The following ADGB variants were observed in gnomAD, a reference collection of about 807,000 sequenced individuals.
The protein encoded by ADGB is calpain-7-like protein.
A neutral mutation model predicts 210.5 loss-of-function variants in ADGB; 172 were observed. The observed-to-expected ratio is 0.82, with a 90% confidence interval of 0.72 to 0.93. The LOEUF (loss-of-function observed/expected upper bound fraction) is 0.93. Among genes scored for constraint, ADGB ranks in the 40% least tolerant of loss-of-function variants. The pLI is 0.00. For synonymous variants in ADGB, 658 were observed against 662.7 expected, an observed-to-expected ratio of 0.99 and a Z score of 0.11; for missense variants, 2,025 against 1,964.8, an observed-to-expected ratio of 1.03 and a Z score of -0.58.
intron 13 of ADGB, among the ~76,000 whole-genome samples, chr6:146,714,692 T>G (rs1262887331): frequency 6.6e-6 from 1 of 152,224 alleles, no homozygotes; most frequent in East Asian, 1.9e-4. Context: ...CATTCTCTCC[T>G]GCTCAGATAC....
chr6:146,733,589 C>T (rs1231214348), intron 21 of ADGB, among the ~76,000 whole-genome samples: 1 of 152,166 alleles, frequency 6.6e-6, no homozygotes, highest in Non-Finnish European at 1.5e-5. Flanking sequence ...CTACTTTTCT[C>T]TCTTCTTCCC....
Position 146,741,139 on chromosome 6 carries a change from A to T in ADGB, c.3045A>T (p.Gln1015His). 6 of 1,531,470 alleles carry T rather than the reference A, an allele frequency of 3.9e-6. No homozygotes were observed. The highest frequency in any genetic ancestry group is 4.4e-6 in the Non-Finnish European group (5 of 1,138,668). The allele number at this position is 1,531,470 out of a possible 1,614,324, so 94.9% of individuals were successfully genotyped here. ...IVFRETFLVH[Q>H]DMILVPKVYT... The stretch of plus-strand genomic sequence containing the variant: ...ACAGAGAAACATTTTTGGTTCATCA[A>T]GACATGATTTTGGTTCCCAAAGTAT... Residue 1015 changes from glutamine (Q) to histidine (H), a missense_variant, in exon 25 of 36, where the codon CAA becomes CAT. Transcript: ENST00000397944.
rs530310278 is a variant in ADGB at position 146,651,763 on chromosome 6, G to GTAAT, written c.331-2369_331-2366dup. 1.5e-4 allele frequency among the ~76,000 whole-genome samples: 23 copies of GTAAT among 152,210 alleles called. No individual in the cohort carries two copies. In the East Asian group the frequency reaches 1.7e-3, roughly 12 times the overall value. On this transcript the variant is annotated intron_variant, in intron 3 of 35. Coordinates refer to ENST00000397944, the MANE Select transcript of ADGB (RefSeq NM_024694.4). ...GCCCCTGGGATTTTTAAGCAAACAT[G>GTAAT]TAATTAGATAAGTGAGCACTGTGCA...
At chr6:146,797,343 C>T (rs1034441829) in intron 33 of ADGB, among the ~76,000 whole-genome samples, 7 of 152,186 alleles carry the variant, frequency 4.6e-5, no homozygotes. Flanking sequence ...AATCCCACTA[C>T]TGGGTACCTA....
At chr6:146,813,465 G>C (rs1001667152) in intron 35 of ADGB, among the ~76,000 whole-genome samples, 1 of 151,630 alleles carries the variant, frequency 6.6e-6, no homozygotes, top group Non-Finnish European at 1.5e-5. Context: ...TTTTTTTCTC[G>C]GTCACTTTGT....
chr6:146,763,516 A>G (rs1359700380), intron 27 of ADGB, among the ~76,000 whole-genome samples: 3 of 152,206 alleles, frequency 2.0e-5, no homozygotes, highest in Non-Finnish European at 4.4e-5. Flanking sequence ...TGTTAATTAG[A>G]AAATAATTAA....
In ADGB at chr6:146,691,500, ATT is replaced by A. The variant is rs71031007; in HGVS notation, c.1486+234_1486+235del. On this transcript the variant is annotated intron_variant, in intron 11 of 35. Coordinates refer to ENST00000397944, the MANE Select transcript of ADGB (RefSeq NM_024694.4). ...TAAATATATATATATATATATATAT[ATT>A]TTTTTTTTTTTTTTTTTTTTTTTGA... is the stretch of plus-strand genomic sequence containing the variant. Among the ~76,000 whole-genome samples the A allele has an allele frequency of 8.1e-3, 110 of 13,574 alleles. 1 individual carries two copies. Among genetic ancestry groups the A allele is most frequent in the Non-Finnish European group, 0.01 (100 of 9,886 alleles). 8.9% of individuals were successfully genotyped at this position (13,574 alleles called of 152,430 possible). A position where few individuals can be genotyped will look rare whatever the true frequency, so the allele number is the denominator to read the frequency against.
At chr6:146,780,025 C>T (rs988901559) in intron 29 of ADGB, among the ~76,000 whole-genome samples, 1 of 151,590 alleles carries the variant, frequency 6.6e-6, no homozygotes, top group Non-Finnish European at 1.5e-5. Context: ...AAGCAATGAT[C>T]ATAAGTCTGT....
Position 146,607,135 on chromosome 6 carries a change from T to C in ADGB, c.74+8021T>C, listed in dbSNP as rs946628849. Among the ~76,000 whole-genome samples the C allele has an allele frequency of 2.6e-5, 4 of 152,290 alleles. No individual in the cohort carries two copies. The East Asian group carries it at 7.7e-4, about 29-fold the overall frequency. ...TCATCTCCTTGGTTAGCTATATACT[T>C]AGGTATTCTATTCTTTTGTGGCTAC... On this transcript the variant is annotated intron_variant, in intron 1 of 35. Transcript: ENST00000397944.
At chr6:146,740,017 A>G (rs1777140526) in intron 23 of ADGB, among the ~76,000 whole-genome samples, 1 of 152,054 alleles carries the variant, frequency 6.6e-6, no homozygotes, top group South Asian at 2.1e-4. Flanking sequence ...TTTAAAATCT[A>G]TTTTTCCAAA....
At position 146,736,596 on chromosome 6, in the gene ADGB, A is replaced by G. The variant is rs1326498899; in HGVS notation, c.2888+5A>G. 2 of 1,526,386 alleles carry G rather than the reference A, an allele frequency of 1.3e-6. No individual in the cohort carries two copies. Among genetic ancestry groups the G allele is most frequent in the South Asian group, 1.2e-5 (1 of 80,322 alleles). The allele number at this position is 1,526,386 out of a possible 1,614,324, so 94.6% of individuals were successfully genotyped here. A position where few individuals can be genotyped will look rare whatever the true frequency, so the allele number is the denominator to read the frequency against. On this transcript the variant is annotated splice_donor_5th_base_variant and intron_variant, in intron 23 of 35. Coordinates refer to ENST00000397944, the MANE Select transcript of ADGB (RefSeq NM_024694.4). The stretch of plus-strand genomic sequence containing the variant: ...GTATGCAGTTTCTCTCTTAAGGTAA[A>G]GCAGTCAAATGATATTTTTATTGCA...
intron 26 of ADGB, among the ~76,000 whole-genome samples, chr6:146,751,416 T>C (rs925315988): frequency 2.0e-5 from 3 of 152,156 alleles, no homozygotes; most frequent in Non-Finnish European, 4.4e-5. Context: ...GTCTTTGCTG[T>C]TGTGAATAGT....
chr6:146,675,051 A>G (rs1365780650), intron 8 of ADGB, among the ~76,000 whole-genome samples: 2 of 152,178 alleles, frequency 1.3e-5, no homozygotes, highest in Non-Finnish European at 2.9e-5. Flanking sequence ...AAATTTTGAT[A>G]ATAAACTTTT....
chr6:146,605,774 A>G (rs1780622441), intron 1 of ADGB, among the ~76,000 whole-genome samples: 1 of 152,170 alleles, frequency 6.6e-6, no homozygotes, highest in African/African-American at 2.4e-5. Flanking sequence ...TTTAATGAGG[A>G]TACCCCTTTA....
rs557123902 is a variant in ADGB at position 146,709,450 on chromosome 6, G to A, written c.1708-5932G>A. Among the ~76,000 whole-genome samples the A allele has an allele frequency of 3.9e-5, 6 of 152,288 alleles. No individual in the cohort carries two copies. The South Asian group carries it at 1.2e-3, about 32-fold the overall frequency. Reference sequence around the variant, plus strand: ...GGTTTGTTACTGTACTCCTTGAACAGGCTGGTCTAGTGCCTAGATCAGCAG... The same window carrying A: ...GGTTTGTTACTGTACTCCTTGAACAAGCTGGTCTAGTGCCTAGATCAGCAG... On this transcript the variant is annotated intron_variant, in intron 13 of 35. Transcript: ENST00000397944.
In ADGB at chr6:146,803,727, C is replaced by T. The variant is rs1396520030; in HGVS notation, c.4818+1716C>T. ...GATGCCATAATCTCTTAAGTACCGG[C>T]GCCTCATGGTACCGCGGCGCCTCAG... On this transcript the variant is annotated intron_variant, in intron 35 of 35. Transcript: ENST00000397944. The T allele has an allele frequency of 6.4e-6, 6 of 940,926 alleles. No individual in the cohort carries two copies. The African/African-American group carries it at 8.3e-5, about 13-fold the overall frequency. 58.3% of individuals were successfully genotyped at this position (940,926 alleles called of 1,614,324 possible).
At chr6:146,627,832 A>G (rs964025109) in intron 1 of ADGB, among the ~76,000 whole-genome samples, 1 of 152,130 alleles carries the variant, frequency 6.6e-6, no homozygotes, top group African/African-American at 2.4e-5. Context: ...TGCAAGAAAT[A>G]TGCTGGGATT....
At chr6:146,623,730 G>A (rs1480696709) in intron 1 of ADGB, among the ~76,000 whole-genome samples, 1 of 151,910 alleles carries the variant, frequency 6.6e-6, no homozygotes, top group African/African-American at 2.4e-5. Context: ...GGTTTCTGTA[G>A]ATGTCATTTA....
intron 13 of ADGB, among the ~76,000 whole-genome samples, chr6:146,710,824 T>G (rs1776648206): frequency 6.6e-6 from 1 of 152,188 alleles, no homozygotes; most frequent in South Asian, 2.1e-4. Context: ...AGTCACCTAC[T>G]TTTATTTTAT....
Sources: allele counts gnomAD v4.1 joint callset (sites outside exome capture counted in the v4.1 genomes callset), GRCh38; gene constraint gnomAD v4.1.1; transcripts MANE v1.5; gene names NCBI Gene and HGNC (gene_info 2026-07-23, HGNC 2026-07-21).